FBXO47: variants seen among roughly 807,000 people sequenced by gnomAD.
FBXO47 encodes the protein F-box only protein 47.
A neutral mutation model predicts 53.9 loss-of-function variants in FBXO47; 34 were observed. The observed-to-expected ratio is 0.63, with a 90% CI of 0.48 to 0.84. The LOEUF (loss-of-function observed/expected upper bound fraction) is 0.84. FBXO47 is among the 40% of genes least tolerant of loss of function. The pLI is 0.00. For synonymous variants in FBXO47, 165 were observed against 181.6 expected (o/e 0.91, Z 0.73); for missense variants, 485 against 541.3 (o/e 0.90, Z 1.03).
chr17:38,953,125 C>CCACACACACACA (rs768926649), intron 5 of FBXO47, among the ~76,000 whole-genome samples: 27 of 117,882 alleles, frequency 2.3e-4, no homozygotes, highest in South Asian at 5.9e-4. Flanking sequence ...AAAAAAAAAA[C>CCACACACACACA]CACACACACA....
rs1316694330 is a variant in FBXO47, at chr17:38,954,852, G to A, written c.507+4C>T. 6.3e-7 allele frequency: 1 copy of A among 1,583,592 alleles called. No individual in the cohort carries two copies. Reference sequence around the variant, plus strand: ...CTTTTCTTCTCTGATTAAAAAAAATGTACCTGTAAAAACATGCCATAACAT... The same window carrying A: ...CTTTTCTTCTCTGATTAAAAAAAATATACCTGTAAAAACATGCCATAACAT... On this transcript the variant is annotated splice_donor_region_variant and intron_variant, in intron 5 of 10. Transcript: ENST00000378079.
intron 1 of FBXO47, among the ~76,000 whole-genome samples, chr17:38,964,902 C>A (rs1019145909): frequency 6.6e-6 from 1 of 152,098 alleles, no homozygotes; most frequent in African/African-American, 2.4e-5. Context: ...ACTGCAACCT[C>A]CCCCTCCCAG....
chr17:38,962,982 T>G lies in FBXO47; in HGVS notation c.44A>C (p.Gln15Pro). 6.2e-7 allele frequency: 1 copy of G among 1,611,934 alleles called. No homozygotes were observed. Reference sequence around the variant, plus strand: ...TTGACGATTACTACGTCTAAGTTTCTGGTTGGGAATCAAAGTGAAATTTGT... The same window carrying G: ...TTGACGATTACTACGTCTAAGTTTCGGGTTGGGAATCAAAGTGAAATTTGT... ...INTNFTLIPN[Q>P]KLRRSNRQTS... Residue 15 changes from glutamine (Q) to proline (P), a missense_variant, in exon 2 of 11, where the codon CAG becomes CCG. Gln to Pro is a moderately conservative substitution (Grantham distance 76). Transcript: ENST00000378079.
chr17:38,951,544 A>C, intron 6 of FBXO47, 37 bp downstream of exon 6: 1 of 1,413,876 alleles, frequency 7.1e-7, no homozygotes, highest in Non-Finnish European at 9.8e-7. Flanking sequence ...TTTCTATTTT[A>C]ATCTCTGTAT....
chr17:38,950,863 C>T (rs562955474), intron 6 of FBXO47, among the ~76,000 whole-genome samples: 4 of 152,144 alleles, frequency 2.6e-5, no homozygotes, highest in Non-Finnish European at 5.9e-5. Context: ...CATTCCCTTA[C>T]ATTTCTTTGT....
intron 9 of FBXO47, among the ~76,000 whole-genome samples, chr17:38,940,822 C>T (rs1904471952): frequency 6.6e-6 from 1 of 151,702 alleles, no homozygotes; most frequent in South Asian, 2.1e-4. Context: ...ACGATAGACA[C>T]ACACCACCAC....
chr17:38,961,566 T>C (rs1464911098), intron 3 of FBXO47, among the ~76,000 whole-genome samples: 1 of 152,218 alleles, frequency 6.6e-6, no homozygotes, highest in Non-Finnish European at 1.5e-5. Context: ...TAAAACTCAC[T>C]TGATCCACAG....
In FBXO47 at chr17:38,943,059, G is replaced by C. The variant is rs77603534; in HGVS notation, c.941-139C>G. 4,574 of 772,382 alleles carry C rather than the reference G, an allele frequency of 5.9e-3. 163 individuals are homozygous for C. In the East Asian group the frequency reaches 0.082, roughly 14 times the overall value. 47.8% of individuals were successfully genotyped at this position (772,382 alleles called of 1,614,324 possible). A position where few individuals can be genotyped will look rare whatever the true frequency, so the allele number is the denominator to read the frequency against. On this transcript the variant is annotated intron_variant, in intron 8 of 10. Transcript: ENST00000378079. ...GAAATGCTCAGAAAAAAATGCTCTA[G>C]TTTTCCAATTATGGCATTCAGTCAG... is the stretch of plus-strand genomic sequence containing the variant.
intron 3 of FBXO47, among the ~76,000 whole-genome samples, chr17:38,960,324 TG>T (rs1905762534): frequency 6.6e-6 from 1 of 151,318 alleles, no homozygotes; most frequent in Admixed American, 6.6e-5. Context: ...TATGAGAAAA[TG>T]GTAAGTATAT....
rs562791839 is a variant in FBXO47 at position 38,944,364 on chromosome 17, C to T, written c.793+596G>A. Among the ~76,000 whole-genome samples, 9 of 151,564 alleles carry T rather than the reference C, an allele frequency of 5.9e-5. No individual in the cohort carries two copies. In the South Asian group the frequency reaches 6.2e-4, roughly 10 times the overall value. On this transcript the variant is annotated intron_variant, in intron 7 of 10. Coordinates refer to ENST00000378079, the MANE Select transcript of FBXO47 (RefSeq NM_001008777.3). The stretch of plus-strand genomic sequence containing the variant: ...ACCAAAGTGGGACCCTGCAGGAGAT[C>T]GAGACCATCCTGGATAACACGGTGA...
intron 6 of FBXO47, among the ~76,000 whole-genome samples, chr17:38,946,985 TA>T (rs1390052616): frequency 3.0e-5 from 4 of 134,904 alleles, no homozygotes; most frequent in Non-Finnish European, 6.1e-5. Flanking sequence ...TATGTAAATA[TA>T]TATAAACATA....
Position 38,962,643 on chromosome 17 carries a change from A to ATAATAATAATAG in FBXO47, c.181+201_181+202insCTATTATTATTA, listed in dbSNP as rs1238983108. The stretch of plus-strand genomic sequence containing the variant: ...AATAATAATAATAATAATAATAGTA[A>ATAATAATAATAG]TAATAATAATTATTTAAGTATTGTG... On this transcript the variant is annotated intron_variant, in intron 2 of 10. Coordinates refer to ENST00000378079, the MANE Select transcript of FBXO47 (RefSeq NM_001008777.3). 7.6e-5 allele frequency among the ~76,000 whole-genome samples: 11 copies of ATAATAATAATAG among 144,944 alleles called. No individual in the cohort carries two copies. In the East Asian group the frequency reaches 2.2e-3, roughly 29 times the overall value.
chr17:38,962,120 T>C (rs1273635358), intron 2 of FBXO47, 73 bp from the exon 3 acceptor site: 2 of 1,201,744 alleles, frequency 1.7e-6, no homozygotes, highest in Admixed American at 4.6e-5. Context: ...CACAGTCTAT[T>C]AACTTATAGG....
intron 4 of FBXO47, 150 bp from the exon 5 acceptor site, chr17:38,955,083 T>C (rs1905480663): frequency 1.0e-5 from 6 of 599,578 alleles, no homozygotes; most frequent in Admixed American, 3.3e-5. Context: ...AGGTGGGGAT[T>C]ATAAAAGTAG....
intron 1 of FBXO47, among the ~76,000 whole-genome samples, chr17:38,963,548 C>G (rs556823606): frequency 2.0e-5 from 3 of 150,866 alleles, no homozygotes; most frequent in Non-Finnish European, 4.4e-5. Context: ...TTTATTGTTT[C>G]GAACAAAAAA....
intron 3 of FBXO47, 65 bp from the exon 4 acceptor site, chr17:38,957,318 A>G: frequency 9.3e-7 from 1 of 1,078,082 alleles, no homozygotes; most frequent in Non-Finnish European, 1.4e-6. Context: ...AATAGAGCAC[A>G]GAATAATGTT....
At chr17:38,943,272 C>A (rs949675081) in intron 8 of FBXO47, among the ~76,000 whole-genome samples, 1 of 152,112 alleles carries the variant, frequency 6.6e-6, no homozygotes, top group Non-Finnish European at 1.5e-5. Flanking sequence ...CCTTTACTCA[C>A]AGAAGAGGGC....
rs539797573 is a variant in FBXO47 at position 38,965,740 on chromosome 17, G to A, written c.-27+1489C>T. Among the ~76,000 whole-genome samples, 8 of 100,594 alleles carry A rather than the reference G, an allele frequency of 8.0e-5. No homozygotes were observed. In the East Asian group the frequency reaches 1.3e-3, roughly 17 times the overall value. 66.0% of individuals were successfully genotyped at this position (100,594 alleles called of 152,430 possible). A position where few individuals can be genotyped will look rare whatever the true frequency, so the allele number is the denominator to read the frequency against. ...AAAAAAAAAAAAAAAAAAATTAGCC[G>A]GGCATGGTGGCACGCGACTGTAGTC... is the stretch of plus-strand genomic sequence containing the variant. On this transcript the variant is annotated intron_variant, in intron 1 of 10. Coordinates refer to ENST00000378079, the MANE Select transcript of FBXO47 (RefSeq NM_001008777.3).
chr17:38,939,330 A>ATT lies in FBXO47; in HGVS notation c.1084-599_1084-598insAA, dbSNP rs1904397059. On this transcript the variant is annotated intron_variant, in intron 9 of 10. Transcript: ENST00000378079. ...AAAAAAAAAAAAAAAAAAAATATAT[A>ATT]TATATATATATATATGTATTGAAAA... Among the ~76,000 whole-genome samples, 3 of 133,902 alleles carry ATT rather than the reference A, an allele frequency of 2.2e-5. No individual in the cohort carries two copies. In the South Asian group the frequency reaches 7.0e-4, roughly 31 times the overall value. The allele number at this position is 133,902 out of a possible 152,430, so 87.8% of individuals were successfully genotyped here.
Sources: gnomAD v4.1 joint callset for allele counts (sites outside exome capture counted in the v4.1 genomes callset) on GRCh38, gnomAD v4.1.1 for gene constraint, MANE v1.5 for transcripts, NCBI Gene and HGNC (gene_info 2026-07-23, HGNC 2026-07-21) for gene names.